The following GRM7 variants were observed in gnomAD, a reference collection of about 807,000 sequenced individuals.
GRM7 encodes the protein glutamate metabotropic receptor 7.
A neutral mutation model predicts 84.5 loss-of-function variants in GRM7; 35 were observed. The observed-to-expected ratio is 0.41, with a 90% CI of 0.32 to 0.55. GRM7 has a LOEUF of 0.55. Ranked by LOEUF, GRM7 falls within the 20% of genes least tolerant of loss-of-function variation. The pLI is 0.19. For missense variants in GRM7, 1,003 were observed against 1,194.6 expected (o/e 0.84, Z 2.36); for synonymous variants, 487 against 455.1 (o/e 1.07, Z -0.89).
chr3:7,435,851 C>CTT (rs34860272), intron 5 of GRM7, among the ~76,000 whole-genome samples: 121 of 89,264 alleles, frequency 1.4e-3, no homozygotes, highest in Non-Finnish European at 1.6e-3. Context: ...CCACACCCAT[C>CTT]TTTTTTTTTT....
At chr3:6,956,271 A>G (rs900983285) in intron 1 of GRM7, among the ~76,000 whole-genome samples, 1 of 152,204 alleles carries the variant, frequency 6.6e-6, no homozygotes, top group Non-Finnish European at 1.5e-5. Context: ...TGAAGTCAAC[A>G]GTCGAAAGGG....
intron 1 of GRM7, among the ~76,000 whole-genome samples, chr3:7,055,582 A>G (rs908242675): frequency 6.6e-6 from 1 of 151,218 alleles, no homozygotes; most frequent in Non-Finnish European, 1.5e-5. Context: ...GTGCAGTGGC[A>G]TGATCTTGGC....
intron 7 of GRM7, among the ~76,000 whole-genome samples, chr3:7,542,579 C>T (rs936400061): frequency 1.4e-5 from 2 of 145,770 alleles, no homozygotes; most frequent in African/African-American, 5.2e-5. Context: ...GACAGAGTCT[C>T]ACTCTGTCGC....
At chr3:7,725,791 A>C (rs1702104012) in intron 9 of GRM7, among the ~76,000 whole-genome samples, 1 of 152,206 alleles carries the variant, frequency 6.6e-6, no homozygotes, top group African/African-American at 2.4e-5. Flanking sequence ...TTCAACAGAC[A>C]TTATCAATCC....
intron 2 of GRM7, among the ~76,000 whole-genome samples, chr3:7,278,806 A>C (rs1699160894): frequency 6.6e-6 from 1 of 152,200 alleles, no homozygotes; most frequent in South Asian, 2.1e-4. Context: ...GAATACAGAG[A>C]CTTCTCAGGT....
intron 2 of GRM7, among the ~76,000 whole-genome samples, chr3:7,273,657 A>G (rs1698947876): frequency 6.6e-6 from 1 of 151,950 alleles, no homozygotes; most frequent in Non-Finnish European, 1.5e-5. Flanking sequence ...CTGTCTTGAG[A>G]TTAATATAGC....
At chr3:7,277,309 T>C (rs1347760608) in intron 2 of GRM7, among the ~76,000 whole-genome samples, 1 of 152,100 alleles carries the variant, frequency 6.6e-6, no homozygotes, top group Admixed American at 6.6e-5. Context: ...AATGCTTTTT[T>C]TTTAACCAAG....
At chr3:7,336,871 AAC>A (rs1211817587) in intron 4 of GRM7, among the ~76,000 whole-genome samples, 1 of 152,064 alleles carries the variant, frequency 6.6e-6, no homozygotes, top group Non-Finnish European at 1.5e-5. Context: ...AAAACTACAA[AAC>A]ACTGCTGAAA....
intron 2 of GRM7, among the ~76,000 whole-genome samples, chr3:7,177,418 G>A (rs1428448185): frequency 1.3e-5 from 2 of 151,950 alleles, no homozygotes; most frequent in Non-Finnish European, 2.9e-5. Flanking sequence ...CTGCTGCTGC[G>A]CTTAATGACG....
At chr3:7,052,925 G>A (rs1697062104) in intron 1 of GRM7, among the ~76,000 whole-genome samples, 1 of 151,024 alleles carries the variant, frequency 6.6e-6, no homozygotes, top group African/African-American at 2.4e-5. Flanking sequence ...GTGTATTGCT[G>A]GGTTTTATTG....
At chr3:7,327,701 T>G (rs915697307) in intron 4 of GRM7, among the ~76,000 whole-genome samples, 44 of 152,174 alleles carry the variant, frequency 2.9e-4, no homozygotes, top group African/African-American at 1.1e-3. Flanking sequence ...CTAATGAAGC[T>G]TATTAAGATA....
Position 7,044,681 on chromosome 3 carries a change from T to C in GRM7, c.520-101771T>C, listed in dbSNP as rs143489356. ...ATTTCAGAATCTTTTCTACGGCTTT[T>C]TTTCTCCTATGGAAATGTGGTGTAG... On this transcript the variant is annotated intron_variant, in intron 1 of 9. Coordinates refer to ENST00000357716, the MANE Select transcript of GRM7 (RefSeq NM_000844.4). Among the ~76,000 whole-genome samples the C allele has an allele frequency of 5.0e-3, 759 of 152,306 alleles. 9 individuals carry two copies. Among genetic ancestry groups the C allele is most frequent in the African/African-American group, 0.017 (727 of 41,576 alleles).
chr3:7,588,014 C>T (rs944486583), intron 8 of GRM7, among the ~76,000 whole-genome samples: 3 of 152,118 alleles, frequency 2.0e-5, no homozygotes, highest in African/African-American at 7.2e-5. Flanking sequence ...ACACTAGCTT[C>T]AGTCTATACC....
At chr3:7,680,539 C>T (rs1307844552) in intron 9 of GRM7, 1 of 500,472 alleles carries the variant, frequency 2.0e-6, no homozygotes, top group Non-Finnish European at 3.6e-6. Flanking sequence ...CCTCCCCCTT[C>T]CCTTGCTTCT....
chr3:6,942,261 AT>A (rs1697919736), intron 1 of GRM7, among the ~76,000 whole-genome samples: 2 of 152,268 alleles, frequency 1.3e-5, no homozygotes, highest in South Asian at 4.1e-4. Flanking sequence ...AAAAGATATA[AT>A]ATATCTAAAG....
intron 4 of GRM7, among the ~76,000 whole-genome samples, chr3:7,353,719 C>G (rs1428345685): frequency 6.6e-6 from 1 of 152,084 alleles, no homozygotes; most frequent in African/African-American, 2.4e-5. Context: ...CATTCCAGAC[C>G]TTACGGTGGG....
chr3:7,632,055 A>G (rs1265179105), intron 8 of GRM7, among the ~76,000 whole-genome samples: 1 of 152,206 alleles, frequency 6.6e-6, no homozygotes, highest in East Asian at 1.9e-4. Context: ...AAGAAAGAAC[A>G]ATACACAGGC....
Position 7,531,473 on chromosome 3 carries a change from CCT to C in GRM7, c.1516-46944_1516-46943del, listed in dbSNP as rs541685604. On this transcript the variant is annotated intron_variant, in intron 7 of 9. Transcript: ENST00000357716. ...GGAATGTTTTTCCATTTGTTTGTGT[CCT>C]CTCTTATTTCCTTGAGCAGAGGTTT... Among the ~76,000 whole-genome samples, 22 of 152,238 alleles carry C rather than the reference CCT, an allele frequency of 1.4e-4. No homozygotes were observed. In the South Asian group the frequency reaches 4.4e-3, roughly 30 times the overall value.
chr3:7,317,213 C>T (rs184191392), intron 4 of GRM7, among the ~76,000 whole-genome samples: 7 of 152,186 alleles, frequency 4.6e-5, no homozygotes, highest in African/African-American at 7.2e-5. Context: ...CAAAAACGAA[C>T]GTGGTGATGT....
Sources: gnomAD v4.1 joint callset for allele counts (sites outside exome capture counted in the v4.1 genomes callset) on GRCh38, gnomAD v4.1.1 for gene constraint, MANE v1.5 for transcripts, NCBI Gene and HGNC (gene_info 2026-07-23, HGNC 2026-07-21) for gene names.